KLF17: variants seen among roughly 807,000 people sequenced by gnomAD.
KLF17 encodes the protein Krueppel-like factor 17.
In KLF17, 31 loss-of-function variants were observed where a neutral mutation model predicts 34.2. The ratio of observed to expected loss-of-function variants is 0.91; its 90% confidence interval spans 0.68 to 1.22. The LOEUF (loss-of-function observed/expected upper bound fraction) is 1.22. Among genes scored for constraint, KLF17 ranks in the 50% most tolerant of loss-of-function variants. KLF17 has a pLI of 0.00. For synonymous variants in KLF17, 179 were observed against 186.7 expected (o/e 0.96, Z 0.34); for missense variants, 478 against 505.2 (o/e 0.95, Z 0.52).
At chr1:44,087,713 T>C in the KLF17 span, among the ~76,000 whole-genome samples, 2 of 122,552 alleles carry the variant, frequency 1.6e-5, no homozygotes, top group Admixed American at 9.1e-5. Flanking sequence ...TGGTGCCTCT[T>C]CCTATATATT....
At chr1:44,100,839 A>T in the KLF17 span, among the ~76,000 whole-genome samples, 477 of 152,294 alleles carry the variant, frequency 3.1e-3, 2 homozygotes, top group African/African-American at 0.011. Context: ...GACTTTAGAC[A>T]AAAGTATAAT....
chr1:44,094,833 T>C, the KLF17 span, among the ~76,000 whole-genome samples: 6 of 152,160 alleles, frequency 3.9e-5, no homozygotes, highest in Non-Finnish European at 8.8e-5. Context: ...CTATGTCTTT[T>C]GTGGTTCCAT....
At chr1:44,070,912 A>G in the KLF17 span, among the ~76,000 whole-genome samples, 1 of 152,170 alleles carries the variant, frequency 6.6e-6, no homozygotes, top group African/African-American at 2.4e-5. Context: ...TAATTTTAAC[A>G]TTTATATATT....
the KLF17 span, among the ~76,000 whole-genome samples, chr1:44,063,587 C>T: frequency 6.6e-6 from 1 of 152,160 alleles, no homozygotes; most frequent in Non-Finnish European, 1.5e-5. Flanking sequence ...ATTTGGGCAG[C>T]TGTCATCTGA....
At chr1:44,124,534 G>A (rs542106432) in intron 1 of KLF17, among the ~76,000 whole-genome samples, 48 of 134,912 alleles carry the variant, frequency 3.6e-4, no homozygotes, top group Non-Finnish European at 5.8e-4. Flanking sequence ...TCTCACTGTC[G>A]CCCAGGCTGT....
the KLF17 span, among the ~76,000 whole-genome samples, chr1:44,112,760 G>C: frequency 6.6e-6 from 1 of 152,192 alleles, no homozygotes; most frequent in Non-Finnish European, 1.5e-5. Flanking sequence ...AGCCCCAGCA[G>C]TGTCTATCTG....
the KLF17 span, among the ~76,000 whole-genome samples, chr1:44,053,101 A>G: frequency 6.6e-5 from 10 of 152,072 alleles, no homozygotes; most frequent in Non-Finnish European, 1.0e-4. Flanking sequence ...GGGTTTCACC[A>G]TGTTGGCCAG....
At chr1:44,122,241 T>A in intron 1 of KLF17, 2 of 1,604,582 alleles carry the variant, frequency 1.2e-6, no homozygotes, top group Non-Finnish European at 1.7e-6. Context: ...AGCTTCCCTT[T>A]TCTTAGATTT....
Position 44,130,141 on chromosome 1 carries a change from C to A in KLF17, c.870C>A (p.Cys290Ter). 1.2e-6 allele frequency: 2 copies of A among 1,614,124 alleles called. No homozygotes were observed. Among genetic ancestry groups the A allele is most frequent in the South Asian group, 2.2e-5 (2 of 91,084 alleles). ...CTTACTGCTGCAACTACGAGAACTG[C>A]GGAAAAGCTTATACCAAACGCTCCC... ...ARPYCCNYEN[C>*]GKAYTKRSHL... is the part of the protein sequence containing the mutation. Residue 290 changes from cysteine to a stop codon, truncating the protein, a stop_gained, in exon 2 of 4, where the codon TGC becomes TGA. Coordinates refer to ENST00000372299, the MANE Select transcript of KLF17 (RefSeq NM_173484.4). LOFTEE classifies it high-confidence loss of function.
In KLF17 at chr1:44,118,831, A is replaced by C; in HGVS notation, c.-77A>C. 4.2e-5 allele frequency: 47 copies of C among 1,129,176 alleles called. No homozygotes were observed. Among genetic ancestry groups the C allele is most frequent in the Non-Finnish European group, 5.2e-5 (42 of 804,824 alleles). The allele number at this position is 1,129,176 out of a possible 1,614,324, so 69.9% of individuals were successfully genotyped here. ...GAAGGTGATTGTGGCGTGGCGATGTACCGATACCCGCCTGCGACGCCGTGG... is the reference window on the plus strand; with the variant it reads ...GAAGGTGATTGTGGCGTGGCGATGTCCCGATACCCGCCTGCGACGCCGTGG... On this transcript the variant is annotated 5_prime_UTR_variant, in exon 1 of 4. Transcript: ENST00000372299.
chr1:44,117,499 T>G (rs1247631153), upstream of KLF17: 2 of 151,122 alleles, frequency 1.3e-5, no homozygotes, highest in Non-Finnish European at 2.9e-5. Context: ...ATATTTTATT[T>G]TATTTTATTT....
the KLF17 span, among the ~76,000 whole-genome samples, chr1:44,097,606 T>TG: frequency 2.3e-4 from 31 of 133,916 alleles, no homozygotes. Flanking sequence ...AAGAATGAAA[T>TG]TAAAAAAAAA....
the KLF17 span, among the ~76,000 whole-genome samples, chr1:44,075,895 A>G: frequency 6.6e-6 from 1 of 152,186 alleles, no homozygotes; most frequent in Non-Finnish European, 1.5e-5. Flanking sequence ...CAAATTTCTA[A>G]AAGTCATGAA....
chr1:44,107,457 G>T, the KLF17 span, among the ~76,000 whole-genome samples: 1 of 152,164 alleles, frequency 6.6e-6, no homozygotes, highest in African/African-American at 2.4e-5. Flanking sequence ...TGCGGTTTCA[G>T]TTACCTGAGG....
the KLF17 span, among the ~76,000 whole-genome samples, chr1:44,098,114 T>A: frequency 2.6e-5 from 4 of 152,096 alleles, no homozygotes; most frequent in African/African-American, 9.7e-5. Flanking sequence ...GGACCACAGG[T>A]ATGTGCCACC....
the KLF17 span, among the ~76,000 whole-genome samples, chr1:44,108,660 CTTTTTTTT>C: frequency 4.2e-4 from 32 of 75,342 alleles, 1 homozygote; most frequent in South Asian, 5.5e-3. Context: ...TTTGTTAGCT[CTTTTTTTT>C]TTTTTTTTTT....
the KLF17 span, among the ~76,000 whole-genome samples, chr1:44,109,897 CTTTTTTTTTT>C: frequency 9.1e-5 from 7 of 77,200 alleles, no homozygotes; most frequent in African/African-American, 3.1e-4. Flanking sequence ...CTTTTTTATA[CTTTTTTTTTT>C]TTTTTTTTTT....
chr1:44,092,388 C>A, the KLF17 span, among the ~76,000 whole-genome samples: 4 of 152,140 alleles, frequency 2.6e-5, no homozygotes, highest in African/African-American at 9.6e-5. Flanking sequence ...AAGGGGACGC[C>A]ATTCAACTAA....
At chr1:44,059,735 T>C in the KLF17 span, among the ~76,000 whole-genome samples, 4 of 152,056 alleles carry the variant, frequency 2.6e-5, no homozygotes, top group African/African-American at 9.7e-5. Context: ...ATTCTATCTT[T>C]TGCATCCACT....
Sources: allele counts gnomAD v4.1 joint callset (sites outside exome capture counted in the v4.1 genomes callset), GRCh38; gene constraint gnomAD v4.1.1; transcripts MANE v1.5; gene names NCBI Gene and HGNC (gene_info 2026-07-23, HGNC 2026-07-21).